The following RUFY2 variants were observed in gnomAD, a reference collection of about 807,000 sequenced individuals.
RUFY2 encodes the protein RUN and FYVE domain-containing protein 2.
In RUFY2, 49 loss-of-function variants were observed where a neutral mutation model predicts 94.4. That is an observed-to-expected ratio of 0.52 (90% confidence interval 0.41 to 0.66). The LOEUF (loss-of-function observed/expected upper bound fraction) is 0.66. RUFY2 is among the 30% of genes least tolerant of loss of function. The pLI is 0.00. For missense variants in RUFY2, 541 were observed against 692.8 expected, an observed-to-expected ratio of 0.78 and a Z score of 2.46; for synonymous variants, 255 against 235.7, an observed-to-expected ratio of 1.08 and a Z score of -0.75.
At position 68,394,324 on chromosome 10, in the gene RUFY2, T is replaced by G. The variant is rs1395067715; in HGVS notation, c.522+4A>C. 6.2e-7 allele frequency: 1 copy of G among 1,613,902 alleles called. No individual in the cohort carries two copies. The highest frequency in any genetic ancestry group is 8.5e-7 in the Non-Finnish European group (1 of 1,179,876). The stretch of plus-strand genomic sequence containing the variant: ...TGCATTTGGCACTAGTCACTTTCAC[T>G]TACTTGTGAGTCTAAATCCTCTCCC... On this transcript the variant is annotated splice_donor_region_variant and intron_variant, in intron 5 of 17. Coordinates refer to ENST00000602465, the MANE Select transcript of RUFY2 (RefSeq NM_001330103.2).
chr10:68,348,551 G>T (rs2046441946), intron 16 of RUFY2, among the ~76,000 whole-genome samples: 3 of 151,116 alleles, frequency 2.0e-5, no homozygotes, highest in African/African-American at 7.3e-5. Context: ...CAGCAGGAAG[G>T]GACCCTAAAA....
In RUFY2 at chr10:68,389,657, G is replaced by A. The variant is rs2049829095; in HGVS notation, c.650+3481C>T. On this transcript the variant is annotated intron_variant, in intron 7 of 17. Coordinates refer to ENST00000602465, the MANE Select transcript of RUFY2 (RefSeq NM_001330103.2). ...CCAAGATAAATTGTTGGCCAGGCAT[G>A]GTGGCTCACACCTGTAATCCCAGAA... is the stretch of plus-strand genomic sequence containing the variant. 2.0e-5 allele frequency among the ~76,000 whole-genome samples: 3 copies of A among 152,124 alleles called. No individual in the cohort carries two copies. The South Asian group carries it at 6.2e-4, about 32-fold the overall frequency.
chr10:68,394,224 T>C (rs916293848), intron 5 of RUFY2, 88 bp from the exon 6 acceptor site: 2 of 1,567,410 alleles, frequency 1.3e-6, no homozygotes. Flanking sequence ...TAATATTCCT[T>C]TAGTGTTTAA....
At chr10:68,400,283 T>C (rs1160996701) in intron 3 of RUFY2, among the ~76,000 whole-genome samples, 2 of 151,878 alleles carry the variant, frequency 1.3e-5, no homozygotes, top group Non-Finnish European at 2.9e-5. Context: ...ACCACTGCAC[T>C]CCAGTCTGGG....
In RUFY2 at chr10:68,407,266, A is replaced by G; in HGVS notation, c.-77T>C. On this transcript the variant is annotated 5_prime_UTR_variant, in exon 1 of 18. Coordinates refer to ENST00000602465, the MANE Select transcript of RUFY2 (RefSeq NM_001330103.2). ...AGCTCCTTCCAGGCGCTCGGCGGCC[A>G]CCACCGCATCTGCAGCCAGGCCCGC... 12 of 1,226,368 alleles carry G rather than the reference A, an allele frequency of 9.8e-6. No individual in the cohort carries two copies. The highest frequency in any genetic ancestry group is 1.2e-5 in the Non-Finnish European group (12 of 971,960). The allele number at this position is 1,226,368 out of a possible 1,614,324, so 76.0% of individuals were successfully genotyped here. A position where few individuals can be genotyped will look rare whatever the true frequency, so the allele number is the denominator to read the frequency against.
chr10:68,341,385 G>GT, downstream of RUFY2: 6 of 1,453,464 alleles, frequency 4.1e-6, no homozygotes, highest in Non-Finnish European at 5.7e-6. Context: ...AGATCTGTAG[G>GT]TAACGCTTGG....
At chr10:68,401,778 A>C (rs2050867323) in intron 2 of RUFY2, 41 bp from the exon 3 acceptor site, 2 of 1,113,772 alleles carry the variant, frequency 1.8e-6, no homozygotes, top group Non-Finnish European at 2.7e-6. Context: ...GTCAACATAA[A>C]AAACTGTAGT....
At chr10:68,355,929 GA>G (rs1319771916) in intron 15 of RUFY2, among the ~76,000 whole-genome samples, 8 of 144,002 alleles carry the variant, frequency 5.6e-5, no homozygotes, top group African/African-American at 2.1e-4. Context: ...AAAAAAAAAA[GA>G]AAAAAAAGAA....
intron 1 of RUFY2, chr10:68,405,711 C>A (rs1354471869): frequency 2.0e-6 from 2 of 983,352 alleles, no homozygotes; most frequent in Non-Finnish European, 2.4e-6. Context: ...TTTCGTCTAC[C>A]CTCTTTCTGT....
chr10:68,360,723 G>A (rs2047398995), intron 15 of RUFY2, among the ~76,000 whole-genome samples: 1 of 152,048 alleles, frequency 6.6e-6, no homozygotes, highest in Admixed American at 6.6e-5. Context: ...ACTCCAGCCT[G>A]GGCGACAGAG....
chr10:68,349,687 C>T (rs1178605767), intron 16 of RUFY2, among the ~76,000 whole-genome samples: 4 of 151,854 alleles, frequency 2.6e-5, no homozygotes, highest in African/African-American at 9.7e-5. Flanking sequence ...TACAGGCACC[C>T]ACCACTGCAC....
At chr10:68,406,536 G>GGCGTTCACACCGCGGC (rs1382254182) in intron 1 of RUFY2, among the ~76,000 whole-genome samples, 1 of 152,176 alleles carries the variant, frequency 6.6e-6, no homozygotes, top group Non-Finnish European at 1.5e-5. Context: ...CACGCCGAGG[G>GGCGTTCACACCGCGGC]GCGTTCACAC....
chr10:68,376,792 T>A lies in RUFY2; in HGVS notation c.1325+61A>T, dbSNP rs577860555. The A allele has an allele frequency of 2.6e-5, 39 of 1,472,704 alleles. No homozygotes were observed. In the South Asian group the frequency reaches 4.5e-4, roughly 17 times the overall value. 91.2% of individuals were successfully genotyped at this position (1,472,704 alleles called of 1,614,324 possible). A position where few individuals can be genotyped will look rare whatever the true frequency, so the allele number is the denominator to read the frequency against. ...AAAATATTGGTATTCTATCATTATG[T>A]GCAAAAAAATGAGGGGGTTATGTTA... is the stretch of plus-strand genomic sequence containing the variant. On this transcript the variant is annotated intron_variant, in intron 13 of 17. Coordinates refer to ENST00000602465, the MANE Select transcript of RUFY2 (RefSeq NM_001330103.2).
At chr10:68,376,491 T>TATATATACA (rs1589884310) in intron 13 of RUFY2, among the ~76,000 whole-genome samples, 1 of 103,410 alleles carries the variant, frequency 9.7e-6, no homozygotes, top group Non-Finnish European at 2.0e-5. Context: ...TATATATATA[T>TATATATACA]TCTCAGAAAA....
intron 16 of RUFY2, among the ~76,000 whole-genome samples, chr10:68,348,828 T>TA (rs1049810289): frequency 6.6e-6 from 1 of 152,204 alleles, no homozygotes; most frequent in Admixed American, 6.5e-5. Context: ...TGAGAAAACT[T>TA]AAAGCCTAGA....
chr10:68,378,438 A>G, intron 12 of RUFY2: 1 of 1,285,446 alleles, frequency 7.8e-7, no homozygotes. Context: ...CAGCTGACCA[A>G]GAAATGTACA....
At chr10:68,370,448 CTTTTTTTTTTT>C (rs949829713) in intron 13 of RUFY2, among the ~76,000 whole-genome samples, 1 of 126,176 alleles carries the variant, frequency 7.9e-6, no homozygotes, top group South Asian at 2.6e-4. Context: ...TTTCTTTTTT[CTTTTTTTTTTT>C]TTTTTTTTGA....
At chr10:68,370,378 C>T (rs1029531967) in intron 13 of RUFY2, among the ~76,000 whole-genome samples, 2 of 151,524 alleles carry the variant, frequency 1.3e-5, no homozygotes, top group African/African-American at 4.8e-5. Context: ...GAAGCAACCC[C>T]ACTGGTAACA....
chr10:68,404,914 C>G, intron 1 of RUFY2, 70 bp from the exon 2 acceptor site: 1 of 1,290,274 alleles, frequency 7.8e-7, no homozygotes, highest in South Asian at 1.7e-5. Flanking sequence ...AAACCATTCC[C>G]TTCCCCTATA....
Sources: gnomAD v4.1 joint callset for allele counts (sites outside exome capture counted in the v4.1 genomes callset) on GRCh38, gnomAD v4.1.1 for gene constraint, MANE v1.5 for transcripts, NCBI Gene and HGNC (gene_info 2026-07-23, HGNC 2026-07-21) for gene names.